PLXNA4: variants seen among roughly 807,000 people sequenced by gnomAD.
PLXNA4 encodes the protein plexin A4, also known as plexin-A4.
Under a neutral mutation model 191.8 loss-of-function variants are expected in PLXNA4, and 44 were observed. That is an observed-to-expected ratio of 0.23 (90% confidence interval 0.18 to 0.29). PLXNA4 has a LOEUF of 0.29. PLXNA4 is among the 10% of genes least tolerant of loss of function. The pLI, the probability that PLXNA4 is intolerant of heterozygous loss-of-function variation, is 1.00. For missense variants in PLXNA4, 1,800 were observed against 2,488.8 expected (o/e 0.72, Z 5.89); for synonymous variants, 1,082 against 1,009.5 (o/e 1.07, Z -1.36).
chr7:132,182,243 T>C, intron 16 of PLXNA4, 53 bp from the exon 17 acceptor site: 1 of 1,603,716 alleles, frequency 6.2e-7, no homozygotes, highest in East Asian at 2.2e-5. Flanking sequence ...GGAAGAGCAA[T>C]GGCACTCTAC....
intron 3 of PLXNA4, among the ~76,000 whole-genome samples, chr7:132,342,963 A>G (rs1271334386): frequency 4.0e-5 from 6 of 148,766 alleles, no homozygotes; most frequent in East Asian, 2.0e-4. Flanking sequence ...AAAAAAAAAG[A>G]AAAAAAAAAT....
At chr7:132,132,910 G>C in intron 31 of PLXNA4, 139 bp downstream of exon 31, 1 of 1,264,812 alleles carries the variant, frequency 7.9e-7, no homozygotes. Flanking sequence ...TTGGATCACA[G>C]CCCCAGGTCC....
At chr7:132,184,764 C>T (rs1462063884) in intron 16 of PLXNA4, among the ~76,000 whole-genome samples, 2 of 152,136 alleles carry the variant, frequency 1.3e-5, no homozygotes, top group African/African-American at 4.8e-5. Flanking sequence ...AAGACCTAAA[C>T]TCTACCCTTG....
intron 3 of PLXNA4, among the ~76,000 whole-genome samples, chr7:132,446,210 C>T (rs1420653707): frequency 6.6e-6 from 1 of 152,190 alleles, no homozygotes; most frequent in African/African-American, 2.4e-5. Flanking sequence ...CGTGCTTAGA[C>T]CAGAGGCTGC....
At chr7:132,588,781 A>C (rs1451665873) in intron 2 of PLXNA4, among the ~76,000 whole-genome samples, 1 of 150,618 alleles carries the variant, frequency 6.6e-6, no homozygotes, top group Admixed American at 6.6e-5. Flanking sequence ...AAAGAGAAAG[A>C]GAGAAAAAGA....
chr7:132,138,672 C>T (rs902460876), intron 30 of PLXNA4, among the ~76,000 whole-genome samples: 13 of 152,124 alleles, frequency 8.5e-5, no homozygotes, highest in Non-Finnish European at 7.4e-5. Context: ...TGCTAAGACA[C>T]GAGTGGGATA....
chr7:132,223,885 A>AGCC (rs1046875789), intron 8 of PLXNA4, among the ~76,000 whole-genome samples: 2 of 152,052 alleles, frequency 1.3e-5, no homozygotes, highest in Non-Finnish European at 2.9e-5. Context: ...AGGCCAAATT[A>AGCC]GCCCTCCTCC....
At chr7:132,568,738 C>T (rs537715613) in intron 1 of PLXNA4, among the ~76,000 whole-genome samples, 1 of 152,264 alleles carries the variant, frequency 6.6e-6, no homozygotes, top group South Asian at 2.1e-4. Context: ...CTCTAGGAGC[C>T]GCAACTCTCA....
At chr7:132,633,306 C>T (rs1283111629) in intron 2 of PLXNA4, among the ~76,000 whole-genome samples, 6 of 140,988 alleles carry the variant, frequency 4.3e-5, no homozygotes, top group African/African-American at 1.3e-4. Context: ...TTTTTTAAGA[C>T]GGAGTCTCAC....
intron 30 of PLXNA4, among the ~76,000 whole-genome samples, chr7:132,139,367 A>AAATGATAGAGGC (rs1795201808): frequency 1.3e-5 from 2 of 152,234 alleles, no homozygotes; most frequent in South Asian, 4.1e-4. Flanking sequence ...TATCATAGGC[A>AAATGATAGAGGC]AAATGATAAA....
Position 132,180,690 on chromosome 7 carries a change from G to T in PLXNA4, c.3535C>A (p.Leu1179Met). ...IPPVAGGNVKLNYTVLVGEKP... is the reference protein window; with the variant it reads ...IPPVAGGNVKMNYTVLVGEKP... ...TCCCCAACCAGCACAGTGTAGTTCAGCTTCACGTTGCCCCCAGCCACAGGC... is the reference window on the plus strand; with the variant it reads ...TCCCCAACCAGCACAGTGTAGTTCATCTTCACGTTGCCCCCAGCCACAGGC... The change falls in exon 19 of 32, where the codon CTG becomes ATG. Residue 1179 changes from leucine to methionine, a missense_variant. Physicochemically the swap from Leu to Met is conservative, Grantham distance 15. Coordinates refer to ENST00000321063, the MANE Select transcript of PLXNA4 (RefSeq NM_020911.2). 1 of 1,614,154 alleles carries T rather than the reference G, an allele frequency of 6.2e-7. No homozygotes were observed. The highest frequency in any genetic ancestry group is 2.2e-5 in the East Asian group (1 of 44,876).
chr7:132,179,854 A>G lies in PLXNA4; in HGVS notation c.3707T>C (p.Leu1236Pro), dbSNP rs1318940839. Reference sequence around the variant, plus strand: ...CACTGCGATGCTGACGATGGCGGGCAGGCTGAGCGGGCTGTCCGGGGCAAT... The same window carrying G: ...CACTGCGATGCTGACGATGGCGGGCGGGCTGAGCGGGCTGTCCGGGGCAAT... ...VYIAPDSPLS[L>P]PAIVSIAVAG... Residue 1236 changes from leucine (L) to proline (P), a missense_variant, in exon 20 of 32, where the codon CTG becomes CCG. Around this residue, in one of 6 missense-constraint regions of PLXNA4, gnomAD observed 1,397 missense variants for 1,880.4 expected, o/e 0.74. Transcript: ENST00000321063. The G allele has an allele frequency of 2.6e-5, 42 of 1,613,400 alleles. No homozygotes were observed. Among genetic ancestry groups the G allele is most frequent in the Non-Finnish European group, 3.5e-5 (41 of 1,179,980 alleles).
chr7:132,522,156 A>G (rs1227900615), intron 1 of PLXNA4, among the ~76,000 whole-genome samples: 1 of 152,136 alleles, frequency 6.6e-6, no homozygotes, highest in Non-Finnish European at 1.5e-5. Flanking sequence ...TTCCACGGAC[A>G]CAGACACAGC....
intron 1 of PLXNA4, among the ~76,000 whole-genome samples, chr7:132,560,619 C>T (rs1056372598): frequency 3.9e-5 from 6 of 152,086 alleles, no homozygotes; most frequent in Admixed American, 3.3e-4. Context: ...CTCCTGGTCA[C>T]TTCCGCCTGC....
rs545707419 is a variant in PLXNA4 at position 132,421,729 on chromosome 7, C to G, written c.1371+67563G>C. Among the ~76,000 whole-genome samples the G allele has an allele frequency of 2.0e-5, 3 of 152,074 alleles. No homozygotes were observed. In the East Asian group the frequency reaches 5.8e-4, roughly 29 times the overall value. ...TCAAAATGGTAATTATTATTATTAT[C>G]CCAATTAATAATGTTTTCCAGGGTC... On this transcript the variant is annotated intron_variant, in intron 3 of 31. Coordinates refer to ENST00000321063, the MANE Select transcript of PLXNA4 (RefSeq NM_020911.2).
chr7:132,351,626 C>T (rs954648464), intron 3 of PLXNA4, among the ~76,000 whole-genome samples: 6 of 152,162 alleles, frequency 3.9e-5, no homozygotes, highest in African/African-American at 1.4e-4. Context: ...TCCACCTTCT[C>T]CATTACAATG....
chr7:132,327,354 A>G (rs1426971389), intron 3 of PLXNA4, among the ~76,000 whole-genome samples: 1 of 152,214 alleles, frequency 6.6e-6, no homozygotes, highest in East Asian at 1.9e-4. Flanking sequence ...GTTAGTCATG[A>G]AAATTAAGAT....
chr7:132,206,437 G>GGTGTGTGTGTGTGT (rs61032250), intron 10 of PLXNA4, among the ~76,000 whole-genome samples: 2 of 148,334 alleles, frequency 1.3e-5, no homozygotes, highest in Admixed American at 6.7e-5. Context: ...TATGTTTTCT[G>GGTGTGTGTGTGTGT]GTGTGTGTGT....
chr7:132,484,535 A>C (rs972783685), intron 3 of PLXNA4, among the ~76,000 whole-genome samples: 12 of 152,252 alleles, frequency 7.9e-5, no homozygotes, highest in African/African-American at 2.9e-4. Flanking sequence ...GAAATCGGTC[A>C]GCCCTGATGC....
Sources: gnomAD v4.1 joint callset for allele counts (sites outside exome capture counted in the v4.1 genomes callset) on GRCh38, gnomAD v4.1.1 for gene constraint, gnomAD v4.1.1 regional missense constraint, MANE v1.5 for transcripts, NCBI Gene and HGNC (gene_info 2026-07-23, HGNC 2026-07-21) for gene names.